CDH12: variants seen among roughly 807,000 people sequenced by gnomAD.
The protein encoded by CDH12 is cadherin-12.
A neutral mutation model predicts 74.1 loss-of-function variants in CDH12; 41 were observed. The ratio of observed to expected loss-of-function variants is 0.55; its 90% confidence interval spans 0.43 to 0.72. The LOEUF (loss-of-function observed/expected upper bound fraction) is 0.72, where lower values mean the gene tolerates loss of function less well. Ranked by LOEUF, CDH12 falls within the 30% of genes least tolerant of loss-of-function variation. The pLI is 0.00. For missense variants in CDH12, 945 were observed against 977.2 expected, an observed-to-expected ratio of 0.97 and a Z score of 0.44; for synonymous variants, 399 against 355.0, an observed-to-expected ratio of 1.12 and a Z score of -1.39.
chr5:21,921,287 C>T (rs1359654238), intron 6 of CDH12, among the ~76,000 whole-genome samples: 1 of 152,260 alleles, frequency 6.6e-6, no homozygotes, highest in East Asian at 1.9e-4. Context: ...TGTATTTATG[C>T]TTAGCCTTAT....
chr5:22,828,612 T>C (rs566834004), intron 1 of CDH12, among the ~76,000 whole-genome samples: 1 of 152,294 alleles, frequency 6.6e-6, no homozygotes, highest in South Asian at 2.1e-4. Context: ...GCTGAAGGAA[T>C]AAATATTTAT....
intron 1 of CDH12, among the ~76,000 whole-genome samples, chr5:22,776,782 T>C (rs1163297855): frequency 6.6e-6 from 1 of 152,190 alleles, no homozygotes; most frequent in Non-Finnish European, 1.5e-5. Flanking sequence ...TGGTTCTTTC[T>C]TTATTATCAA....
At chr5:22,606,112 C>G (rs1737102553) in intron 1 of CDH12, among the ~76,000 whole-genome samples, 1 of 152,188 alleles carries the variant, frequency 6.6e-6, no homozygotes, top group Admixed American at 6.5e-5. Flanking sequence ...CCACTGGCCC[C>G]AAGCCATCAG....
Position 21,816,203 on chromosome 5 carries a change from A to G in CDH12, c.1002+742T>C, listed in dbSNP as rs148261343. On this transcript the variant is annotated intron_variant, in intron 9 of 14. Coordinates refer to ENST00000382254, the MANE Select transcript of CDH12 (RefSeq NM_004061.5). ...TTCCTCCTTCTCCTCAGCCTACTCA[A>G]TGTGAAGATGATGAGGATGAAGACC... Among the ~76,000 whole-genome samples, 352 of 152,250 alleles carry G rather than the reference A, an allele frequency of 2.3e-3. 1 individual carries two copies. The highest frequency in any genetic ancestry group is 8.1e-3 in the African/African-American group (338 of 41,550).
chr5:22,309,877 T>A (rs1398477151), intron 3 of CDH12, among the ~76,000 whole-genome samples: 2 of 151,366 alleles, frequency 1.3e-5, no homozygotes, highest in African/African-American at 4.9e-5. Flanking sequence ...AAGGGGGAAC[T>A]AAACCAAAAT....
At chr5:22,606,242 A>G (rs187671213) in intron 1 of CDH12, among the ~76,000 whole-genome samples, 1 of 152,258 alleles carries the variant, frequency 6.6e-6, no homozygotes, top group Admixed American at 6.5e-5. Flanking sequence ...CACAGGATTC[A>G]GTTGATCATG....
chr5:22,191,825 A>G (rs972278741), intron 4 of CDH12, among the ~76,000 whole-genome samples: 6 of 151,938 alleles, frequency 3.9e-5, no homozygotes, highest in African/African-American at 1.5e-4. Flanking sequence ...CGGCCTCCCA[A>G]AGTGCTGGGA....
chr5:22,435,524 G>GTGTGTA (rs148027987), intron 2 of CDH12, among the ~76,000 whole-genome samples: 15,619 of 148,676 alleles, frequency 0.11, 966 homozygotes, highest in African/African-American at 0.16. Context: ...GTGTGTGTGT[G>GTGTGTA]TATATACATA....
At chr5:22,826,755 G>A (rs999724956) in intron 1 of CDH12, among the ~76,000 whole-genome samples, 4 of 152,182 alleles carry the variant, frequency 2.6e-5, no homozygotes, top group Non-Finnish European at 5.9e-5. Flanking sequence ...ATCTGAGATT[G>A]AGAAAGATGA....
At chr5:22,705,116 C>CATATATATATATATAT (rs71609776) in intron 1 of CDH12, among the ~76,000 whole-genome samples, 6 of 126,072 alleles carry the variant, frequency 4.8e-5, no homozygotes, top group Admixed American at 8.4e-5. Context: ...CCCACCCAGT[C>CATATATATATATATAT]ATATATATAT....
intron 1 of CDH12, among the ~76,000 whole-genome samples, chr5:22,762,835 A>T (rs995966869): frequency 6.6e-6 from 1 of 152,068 alleles, no homozygotes; most frequent in Non-Finnish European, 1.5e-5. Context: ...TTTTCAAATA[A>T]CAGTTTAGTT....
At chr5:22,308,305 T>A (rs1738216314) in intron 3 of CDH12, among the ~76,000 whole-genome samples, 1 of 152,166 alleles carries the variant, frequency 6.6e-6, no homozygotes, top group Non-Finnish European at 1.5e-5. Context: ...TGAAGAGTAT[T>A]ACAGTAAATT....
At chr5:22,014,764 C>T (rs1326204483) in intron 5 of CDH12, among the ~76,000 whole-genome samples, 1 of 152,130 alleles carries the variant, frequency 6.6e-6, no homozygotes, top group African/African-American at 2.4e-5. Flanking sequence ...TCTGCCACCA[C>T]TTAATTTAAA....
intron 4 of CDH12, among the ~76,000 whole-genome samples, chr5:22,180,641 T>C (rs1749592476): frequency 6.6e-6 from 1 of 152,104 alleles, no homozygotes; most frequent in East Asian, 1.9e-4. Flanking sequence ...AGCCTCCGAG[T>C]AGCTGGGATT....
At position 21,866,466 on chromosome 5, in the gene CDH12, T is replaced by C. The variant is rs554912643; in HGVS notation, c.527-11676A>G. On this transcript the variant is annotated intron_variant, in intron 6 of 14. Coordinates refer to ENST00000382254, the MANE Select transcript of CDH12 (RefSeq NM_004061.5). ...TCTCAGATGGAGATGTGGAATCTGT[T>C]GGCAACTGGAGCAAAGGTGACTCCT... is the stretch of plus-strand genomic sequence containing the variant. Among the ~76,000 whole-genome samples the C allele has an allele frequency of 6.6e-5, 10 of 152,294 alleles. 1 individual carries two copies. In the South Asian group the frequency reaches 1.9e-3, roughly 28 times the overall value.
intron 3 of CDH12, among the ~76,000 whole-genome samples, chr5:22,236,233 T>A (rs72742035): frequency 6.6e-6 from 1 of 152,202 alleles, no homozygotes; most frequent in Non-Finnish European, 1.5e-5. Context: ...CTAAATATTC[T>A]TCTTCTTTAA....
intron 1 of CDH12, among the ~76,000 whole-genome samples, chr5:22,572,511 A>G (rs1002786626): frequency 2.0e-5 from 3 of 151,964 alleles, no homozygotes; most frequent in African/African-American, 7.2e-5. Context: ...CTTTTCCCCC[A>G]GGATTAATTT....
intron 2 of CDH12, among the ~76,000 whole-genome samples, chr5:22,413,580 A>G (rs1188149054): frequency 6.6e-6 from 1 of 152,052 alleles, no homozygotes; most frequent in Non-Finnish European, 1.5e-5. Context: ...GGATGCAGAC[A>G]TAATATTTTC....
intron 4 of CDH12, among the ~76,000 whole-genome samples, chr5:22,101,356 G>A (rs1453374464): frequency 3.3e-5 from 5 of 152,108 alleles, no homozygotes; most frequent in African/African-American, 7.2e-5. Flanking sequence ...TATATGTATT[G>A]TTATGGGAAA....
Sources: allele counts gnomAD v4.1 joint callset (sites outside exome capture counted in the v4.1 genomes callset), GRCh38; gene constraint gnomAD v4.1.1; transcripts MANE v1.5; gene names NCBI Gene and HGNC (gene_info 2026-07-23, HGNC 2026-07-21).